CELF2: variants seen among roughly 807,000 people sequenced by gnomAD.
CELF2 encodes the protein CUG triplet repeat RNA-binding protein 2.
Under a neutral mutation model 62.6 loss-of-function variants are expected in CELF2, and 8 were observed. The observed-to-expected ratio is 0.13, with a 90% CI of 0.07 to 0.23. The LOEUF (loss-of-function observed/expected upper bound fraction) is 0.23. Ranked by LOEUF, CELF2 falls within the 10% of genes least tolerant of loss-of-function variation. The pLI is 1.00. For missense variants in CELF2, 333 were observed against 671.0 expected, an observed-to-expected ratio of 0.50 and a Z score of 5.56; for synonymous variants, 258 against 250.0, an observed-to-expected ratio of 1.03 and a Z score of -0.30.
chr10:10,615,117 A>T, the CELF2 span, among the ~76,000 whole-genome samples: 1 of 152,134 alleles, frequency 6.6e-6, no homozygotes, highest in Non-Finnish European at 1.5e-5. Context: ...TACATAACTG[A>T]GCAACCTACT....
intron 1 of CELF2, among the ~76,000 whole-genome samples, chr10:11,070,537 G>A (rs555570483): frequency 2.0e-5 from 3 of 152,178 alleles, no homozygotes; most frequent in Non-Finnish European, 2.9e-5. Context: ...AGAAATTTCC[G>A]GCTGGAGGTG....
At chr10:10,622,358 C>A in the CELF2 span, among the ~76,000 whole-genome samples, 1 of 152,172 alleles carries the variant, frequency 6.6e-6, no homozygotes, top group African/African-American at 2.4e-5. Context: ...CCTGTAATCT[C>A]AGAACTTTCG....
At position 11,321,025 on chromosome 10, in the gene CELF2, AT is replaced by A. The variant is rs1410046126; in HGVS notation, c.1097-161del. On this transcript the variant is annotated intron_variant, in intron 10 of 12. Transcript: ENST00000633077. This position sits in a 1 kb window ranked among gnomAD's most constrained non-coding sequence, Gnocchi z 6.2. ...TAGGTCATTTTCCCCCATTATCACG[AT>A]TTATTTCTTCATGGTTTCATTTTTA... 7.5e-7 allele frequency: 1 copy of A among 1,327,716 alleles called. No individual in the cohort carries two copies. Among genetic ancestry groups the A allele is most frequent in the Non-Finnish European group, 1.0e-6 (1 of 962,648 alleles). The allele number at this position is 1,327,716 out of a possible 1,614,324, so 82.2% of individuals were successfully genotyped here. A position where few individuals can be genotyped will look rare whatever the true frequency, so the allele number is the denominator to read the frequency against.
the CELF2 span, among the ~76,000 whole-genome samples, chr10:10,666,476 AG>A: frequency 6.6e-6 from 1 of 152,212 alleles, no homozygotes; most frequent in Non-Finnish European, 1.5e-5. Flanking sequence ...TCAAGTTGGT[AG>A]TGGAAGTAGC....
At chr10:10,905,938 G>T (rs1334900007) in intron 1 of CELF2, among the ~76,000 whole-genome samples, 1 of 151,892 alleles carries the variant, frequency 6.6e-6, no homozygotes, top group Non-Finnish European at 1.5e-5. Context: ...GGGCATGGTG[G>T]CATGCACCTG....
the CELF2 span, among the ~76,000 whole-genome samples, chr10:10,521,359 C>T: frequency 6.6e-6 from 1 of 152,124 alleles, no homozygotes; most frequent in African/African-American, 2.4e-5. Flanking sequence ...TGGGAGCCTC[C>T]AAAATGCCTG....
the CELF2 span, among the ~76,000 whole-genome samples, chr10:10,559,660 C>T: frequency 2.0e-5 from 3 of 152,282 alleles, no homozygotes; most frequent in African/African-American, 7.2e-5. Flanking sequence ...AAAGGGCCTT[C>T]TTAACCCTTT....
the CELF2 span, among the ~76,000 whole-genome samples, chr10:10,462,615 C>CTTT: frequency 7.7e-3 from 536 of 69,248 alleles, 4 homozygotes; most frequent in South Asian, 0.028. Context: ...TTTTTTTCAT[C>CTTT]TTTTTTTTTT....
chr10:10,501,877 A>T, the CELF2 span, among the ~76,000 whole-genome samples: 9 of 152,308 alleles, frequency 5.9e-5, no homozygotes, highest in African/African-American at 1.9e-4. Flanking sequence ...TCAGACTTTC[A>T]TGATGAAATA....
At chr10:10,816,912 G>T (rs2056511292) in intron 1 of CELF2, among the ~76,000 whole-genome samples, 2 of 152,212 alleles carry the variant, frequency 1.3e-5, no homozygotes, top group Non-Finnish European at 2.9e-5. Flanking sequence ...ATGCAAATAT[G>T]CACTACTCTG....
In CELF2 at chr10:11,314,983, A is replaced by G. The variant is rs940375369; in HGVS notation, c.1096+725A>G. Among the ~76,000 whole-genome samples the G allele has an allele frequency of 1.1e-4, 17 of 152,032 alleles. No homozygotes were observed. The highest frequency in any genetic ancestry group is 5.9e-5 in the Non-Finnish European group (4 of 67,996). Reference sequence around the variant, plus strand: ...GGAGGCAAATCACTTAGAAAATTGTACTTGGTTCCGAAACATATGGATGGA... The same window carrying G: ...GGAGGCAAATCACTTAGAAAATTGTGCTTGGTTCCGAAACATATGGATGGA... On this transcript the variant is annotated intron_variant, in intron 10 of 12. Coordinates refer to ENST00000633077, the MANE Select transcript of CELF2 (RefSeq NM_001326342.2). This position sits in a 1 kb window ranked among gnomAD's most constrained non-coding sequence, Gnocchi z 5.3.
chr10:10,870,825 T>A (rs1302721671), intron 1 of CELF2, among the ~76,000 whole-genome samples: 1 of 152,208 alleles, frequency 6.6e-6, no homozygotes, highest in Non-Finnish European at 1.5e-5. Flanking sequence ...CGCGCTGGCC[T>A]GAGCACAGTC....
chr10:10,792,465 G>C, the CELF2 span: 1 of 398,360 alleles, frequency 2.5e-6, no homozygotes, highest in Non-Finnish European at 4.4e-6. Context: ...TGGCAACTTG[G>C]CAACTGTATT....
At chr10:10,701,139 C>T in the CELF2 span, among the ~76,000 whole-genome samples, 1 of 152,210 alleles carries the variant, frequency 6.6e-6, no homozygotes, top group Non-Finnish European at 1.5e-5. Context: ...ACATCATGCA[C>T]GAAGGCCCAG....
intron 2 of CELF2, among the ~76,000 whole-genome samples, chr10:11,166,075 C>G (rs1166294648): frequency 6.6e-6 from 1 of 152,208 alleles, no homozygotes; most frequent in Non-Finnish European, 1.5e-5. Context: ...CCTAGGCTTG[C>G]CCATGTAATT....
the CELF2 span, among the ~76,000 whole-genome samples, chr10:10,751,070 C>A: frequency 6.6e-6 from 1 of 152,228 alleles, no homozygotes; most frequent in African/African-American, 2.4e-5. Flanking sequence ...ATATTCCTTG[C>A]ACTCTTTTTA....
In CELF2 at chr10:11,280,003, A is replaced by C. The variant is rs1590477404; in HGVS notation, c.841+4883A>C. On this transcript the variant is annotated intron_variant, in intron 8 of 12. Coordinates refer to ENST00000633077, the MANE Select transcript of CELF2 (RefSeq NM_001326342.2). This position sits in a 1 kb window ranked among gnomAD's most constrained non-coding sequence, Gnocchi z 7.6. ...CAGAGTGCTTCATGAAGTCAAATGC[A>C]GTTTTTCTTCTCGGAAAGGAACCGT... Among the ~76,000 whole-genome samples, 1 of 152,084 alleles carries C rather than the reference A, an allele frequency of 6.6e-6. No individual in the cohort carries two copies. The highest frequency in any genetic ancestry group is 6.5e-5 in the Admixed American group (1 of 15,278).
intron 7 of CELF2, among the ~76,000 whole-genome samples, chr10:11,272,892 T>G (rs929236534): frequency 2.6e-5 from 4 of 152,204 alleles, no homozygotes; most frequent in Non-Finnish European, 5.9e-5. Flanking sequence ...CTAAACATCT[T>G]CAAGGCTAGC....
At chr10:11,186,296 C>CTTTTTTTTTTTTT (rs57327671) in intron 2 of CELF2, among the ~76,000 whole-genome samples, 18 of 115,486 alleles carry the variant, frequency 1.6e-4, no homozygotes, top group East Asian at 7.9e-4. Context: ...GGTTTTGTTG[C>CTTTTTTTTTTTTT]TTTTTTTTTT....
Sources: gnomAD v4.1 joint callset for allele counts (sites outside exome capture counted in the v4.1 genomes callset) on GRCh38, gnomAD v4.1.1 for gene constraint, Gnocchi (gnomAD v3.1) non-coding constraint, MANE v1.5 for transcripts, NCBI Gene and HGNC (gene_info 2026-07-23, HGNC 2026-07-21) for gene names.